PRKD3: variants seen among roughly 807,000 people sequenced by gnomAD.
PRKD3 encodes serine/threonine-protein kinase D3.
A neutral mutation model predicts 99.2 loss-of-function variants in PRKD3; 47 were observed. That is an observed-to-expected ratio of 0.47 (90% confidence interval 0.38 to 0.60). PRKD3 has a LOEUF of 0.60. Among genes scored for constraint, PRKD3 ranks in the 20% least tolerant of loss-of-function variants. PRKD3 has a pLI of 0.00. For synonymous variants in PRKD3, 392 were observed against 355.4 expected (o/e 1.10, Z -1.16); for missense variants, 1,019 against 1,088.4 (o/e 0.94, Z 0.90).
In PRKD3 at chr2:37,316,889, T is replaced by C; in HGVS notation, c.-365A>G. On this transcript the variant is annotated 5_prime_UTR_variant, in exon 2 of 19. Coordinates refer to ENST00000234179, the MANE Select transcript of PRKD3 (RefSeq NM_005813.6). ...TACTTGTCTCTTTAATTTCAGGAAA[T>C]ACATATTGAATAAAAGTTGTTTTTC... 9.8e-6 allele frequency: 10 copies of C among 1,018,420 alleles called. No homozygotes were observed. Among genetic ancestry groups the C allele is most frequent in the Non-Finnish European group, 1.1e-5 (9 of 851,408 alleles). The allele number at this position is 1,018,420 out of a possible 1,614,324, so 63.1% of individuals were successfully genotyped here.
At chr2:37,309,642 G>A (rs1671328564) in intron 2 of PRKD3, among the ~76,000 whole-genome samples, 1 of 152,160 alleles carries the variant, frequency 6.6e-6, no homozygotes, top group Non-Finnish European at 1.5e-5. Flanking sequence ...GAGGTCAGGA[G>A]ATCAAGACCA....
intron 16 of PRKD3, 26 bp downstream of exon 16, chr2:37,259,557 T>G: frequency 6.4e-7 from 1 of 1,554,108 alleles, no homozygotes; most frequent in Non-Finnish European, 8.8e-7. Context: ...CCAGAATCAT[T>G]TAAAAGGTTC....
intron 12 of PRKD3, among the ~76,000 whole-genome samples, chr2:37,270,324 A>G (rs1669144588): frequency 6.6e-6 from 1 of 150,376 alleles, no homozygotes; most frequent in African/African-American, 2.5e-5. Context: ...TTTTACCTTT[A>G]AGGAGATTTG....
chr2:37,278,191 A>G (rs966519623), intron 8 of PRKD3: 1 of 298,434 alleles, frequency 3.4e-6, no homozygotes, highest in Non-Finnish European at 6.1e-6. Flanking sequence ...TTTAAATCCT[A>G]TTTACTTGTC....
chr2:37,324,806 T>A lies in PRKD3; in HGVS notation c.-781A>T, dbSNP rs1411567980. On this transcript the variant is annotated 5_prime_UTR_variant, in exon 1 of 19. Transcript: ENST00000234179. The stretch of plus-strand genomic sequence containing the variant: ...CCTCCGGCGCCCCTTCCTCCCTCCC[T>A]CCCCGTCCCGTCCTGGGGCCGGAGG... The A allele has an allele frequency of 1.3e-5, 2 of 149,556 alleles. No individual in the cohort carries two copies. Among genetic ancestry groups the A allele is most frequent in the Non-Finnish European group, 3.0e-5 (2 of 67,120 alleles). The allele number at this position is 149,556 out of a possible 1,614,324, so 9.3% of individuals were successfully genotyped here. A position where few individuals can be genotyped will look rare whatever the true frequency, so the allele number is the denominator to read the frequency against.
intron 12 of PRKD3, among the ~76,000 whole-genome samples, chr2:37,270,632 C>T (rs879403723): frequency 2.0e-5 from 3 of 152,124 alleles, no homozygotes; most frequent in Non-Finnish European, 2.9e-5. Context: ...ACTTAGCAGA[C>T]CCACACTTAT....
In PRKD3 at chr2:37,291,006, A is replaced by C. The variant is rs781498588; in HGVS notation, c.428-7T>G. The C allele has an allele frequency of 1.3e-6, 2 of 1,596,536 alleles. No homozygotes were observed. The highest frequency in any genetic ancestry group is 1.7e-6 in the Non-Finnish European group (2 of 1,172,236). ...TCTTCTACTGTGGCTAAAGCTTTAAAAAAGAAAAGTATTACAATACACGTT... is the reference window on the plus strand; with the variant it reads ...TCTTCTACTGTGGCTAAAGCTTTAACAAAGAAAAGTATTACAATACACGTT... On this transcript the variant is annotated splice_polypyrimidine_tract_variant and splice_region_variant and intron_variant, in intron 3 of 18. Coordinates refer to ENST00000234179, the MANE Select transcript of PRKD3 (RefSeq NM_005813.6).
chr2:37,307,799 A>G (rs550667648), intron 2 of PRKD3, among the ~76,000 whole-genome samples: 2 of 152,370 alleles, frequency 1.3e-5, no homozygotes, highest in East Asian at 3.9e-4. Flanking sequence ...TGAAATTCAA[A>G]GAGTGAACGC....
At chr2:37,324,061 T>A in intron 1 of PRKD3, 1 of 419,746 alleles carries the variant, frequency 2.4e-6, no homozygotes, top group Non-Finnish European at 3.2e-6. Flanking sequence ...AAAGAAACAG[T>A]GGCACTCCTC....
chr2:37,313,912 GGA>G (rs1671551690), intron 2 of PRKD3, among the ~76,000 whole-genome samples: 2 of 152,040 alleles, frequency 1.3e-5, no homozygotes, highest in Admixed American at 1.3e-4. Flanking sequence ...TGTAAGCCAA[GGA>G]ACATCTGTAA....
intron 2 of PRKD3, among the ~76,000 whole-genome samples, chr2:37,308,710 C>T (rs1027425801): frequency 1.3e-5 from 2 of 152,206 alleles, no homozygotes; most frequent in African/African-American, 4.8e-5. Flanking sequence ...CCACCTCAGC[C>T]TCCCAAAGTG....
At chr2:37,263,289 T>C (rs1193740172) in intron 14 of PRKD3, among the ~76,000 whole-genome samples, 1 of 152,170 alleles carries the variant, frequency 6.6e-6, no homozygotes, top group African/African-American at 2.4e-5. Flanking sequence ...TATTTTAAAG[T>C]TTTCATGTAG....
At chr2:37,282,682 G>A in intron 6 of PRKD3, 63 bp from the exon 7 acceptor site, 1 of 1,127,186 alleles carries the variant, frequency 8.9e-7, no homozygotes, top group Non-Finnish European at 1.3e-6. Flanking sequence ...GATATGGTTA[G>A]ACTTTCTTTA....
chr2:37,313,197 G>A (rs940042105), intron 2 of PRKD3, among the ~76,000 whole-genome samples: 1 of 152,110 alleles, frequency 6.6e-6, no homozygotes, highest in East Asian at 1.9e-4. Flanking sequence ...CAACTCTGCT[G>A]CTGCAGAACA....
intron 12 of PRKD3, among the ~76,000 whole-genome samples, chr2:37,270,989 CAAGAAT>C (rs760185120): frequency 1.3e-5 from 2 of 152,100 alleles, no homozygotes; most frequent in Non-Finnish European, 2.9e-5. Flanking sequence ...CTTATCTCCC[CAAGAAT>C]ATGCTGTCTA....
At chr2:37,309,773 G>C (rs1671337245) in intron 2 of PRKD3, among the ~76,000 whole-genome samples, 1 of 148,360 alleles carries the variant, frequency 6.7e-6, no homozygotes, top group African/African-American at 2.5e-5. Flanking sequence ...CCTTGAACCA[G>C]TGAGTCGGAA....
chr2:37,274,985 G>T (rs146408856), intron 10 of PRKD3, among the ~76,000 whole-genome samples: 1 of 152,186 alleles, frequency 6.6e-6, no homozygotes, highest in Non-Finnish European at 1.5e-5. Flanking sequence ...TCCAACACTT[G>T]TAACTTCCAA....
rs549933619 is a variant in PRKD3 at position 37,322,759 on chromosome 2, G to C, written c.-656+1922C>G. Among the ~76,000 whole-genome samples, 73 of 152,106 alleles carry C rather than the reference G, an allele frequency of 4.8e-4. No homozygotes were observed. In the South Asian group the frequency reaches 0.015, roughly 31 times the overall value. On this transcript the variant is annotated intron_variant, in intron 1 of 18. Transcript: ENST00000234179. The stretch of plus-strand genomic sequence containing the variant: ...TTTTCCTGAGAGGGCTACTCAAAGA[G>C]ATACATATATATATATAGCAAGTTC...
chr2:37,274,653 A>C lies in PRKD3; in HGVS notation c.1419T>G (p.Asp473Glu). ...TGCTGCCTTGTGAAATGTTTGTGAA[A>C]TCTCGTGGTGAAGATATGCGGAGAA... ...SEILRISSPR[D>E]FTNISQGSNP... The change falls in exon 11 of 19, where the codon GAT becomes GAG. Residue 473 changes from aspartate to glutamate, a missense_variant. Physicochemically the swap from Asp to Glu is conservative, Grantham distance 45. This residue lies in a region of PRKD3 where 710 missense variants were observed against 692.7 expected (regional missense o/e 1.02). Coordinates refer to ENST00000234179, the MANE Select transcript of PRKD3 (RefSeq NM_005813.6). 7 of 1,614,110 alleles carry C rather than the reference A, an allele frequency of 4.3e-6. No homozygotes were observed. The highest frequency in any genetic ancestry group is 5.9e-6 in the Non-Finnish European group (7 of 1,179,950).
Sources: gnomAD v4.1 joint callset for allele counts (sites outside exome capture counted in the v4.1 genomes callset) on GRCh38, gnomAD v4.1.1 for gene constraint, gnomAD v4.1.1 regional missense constraint, MANE v1.5 for transcripts, NCBI Gene and HGNC (gene_info 2026-07-23, HGNC 2026-07-21) for gene names.